The following MBNL1 variants were observed in gnomAD, a reference collection of about 807,000 sequenced individuals.
The protein encoded by MBNL1 is muscleblind-like protein 1.
MBNL1 carries 8 observed loss-of-function variants against 42.2 expected under a neutral mutation model. The observed-to-expected ratio is 0.19, with a 90% CI of 0.11 to 0.34. The LOEUF (loss-of-function observed/expected upper bound fraction) is 0.34. Among genes scored for constraint, MBNL1 ranks in the 10% least tolerant of loss-of-function variants. MBNL1 has a pLI of 1.00. For synonymous variants in MBNL1, 169 were observed against 173.9 expected, an observed-to-expected ratio of 0.97 and a Z score of 0.22; for missense variants, 309 against 495.3, an observed-to-expected ratio of 0.62 and a Z score of 3.57.
At chr3:152,361,001 A>G (rs1323770865) in intron 2 of MBNL1, among the ~76,000 whole-genome samples, 5 of 152,152 alleles carry the variant, frequency 3.3e-5, no homozygotes, top group African/African-American at 4.8e-5. Context: ...GAAGGTTTCA[A>G]TGGGTACATA....
At chr3:152,347,740 T>A (rs2094466985) in intron 2 of MBNL1, among the ~76,000 whole-genome samples, 1 of 152,188 alleles carries the variant, frequency 6.6e-6, no homozygotes, top group Admixed American at 6.6e-5. Context: ...CCTGCCGCCA[T>A]CTTGACTCCT....
At chr3:152,378,106 G>A (rs2096992799) in intron 2 of MBNL1, among the ~76,000 whole-genome samples, 1 of 152,146 alleles carries the variant, frequency 6.6e-6, no homozygotes, top group Non-Finnish European at 1.5e-5. Context: ...AGAAGCCAAG[G>A]CAGGAAGATT....
At chr3:152,315,418 ATGTGT>A (rs2070216249) in intron 2 of MBNL1, among the ~76,000 whole-genome samples, 1 of 152,188 alleles carries the variant, frequency 6.6e-6, no homozygotes, top group Non-Finnish European at 1.5e-5. Context: ...AACAAGCAAG[ATGTGT>A]TGTGTATGTT....
chr3:152,414,850 C>A, intron 2 of MBNL1, 91 bp from the exon 3 acceptor site: 1 of 1,251,462 alleles, frequency 8.0e-7, no homozygotes, highest in Non-Finnish European at 1.1e-6. Flanking sequence ...ACCAATGATA[C>A]ATTCAAGTGG....
chr3:152,306,561 A>G (rs2063254072), intron 2 of MBNL1, among the ~76,000 whole-genome samples: 1 of 151,948 alleles, frequency 6.6e-6, no homozygotes, highest in Non-Finnish European at 1.5e-5. Flanking sequence ...TCTCTTATTG[A>G]CTGATTTTGG....
At chr3:152,402,132 G>A (rs948290611) in intron 2 of MBNL1, among the ~76,000 whole-genome samples, 5 of 151,986 alleles carry the variant, frequency 3.3e-5, no homozygotes, top group African/African-American at 1.2e-4. Context: ...CAAAGGAAAT[G>A]TTGAAGGAAC....
chr3:152,344,288 A>G (rs2093856250), intron 2 of MBNL1, among the ~76,000 whole-genome samples: 1 of 152,162 alleles, frequency 6.6e-6, no homozygotes, highest in African/African-American at 2.4e-5. Context: ...TTTTCGGACT[A>G]TAACACTACC....
chr3:152,273,716 A>G (rs911390854), intron 1 of MBNL1, among the ~76,000 whole-genome samples: 1 of 152,200 alleles, frequency 6.6e-6, no homozygotes, highest in African/African-American at 2.4e-5. Flanking sequence ...TATTCCAAAA[A>G]GGTGAAGATG....
At chr3:152,320,597 C>G (rs2075842131) in intron 2 of MBNL1, among the ~76,000 whole-genome samples, 1 of 151,778 alleles carries the variant, frequency 6.6e-6, no homozygotes, top group East Asian at 1.9e-4. Flanking sequence ...GAAAACTATT[C>G]AGCTTAACAC....
chr3:152,459,781 C>T (rs1191982263), intron 9 of MBNL1, among the ~76,000 whole-genome samples: 1 of 151,852 alleles, frequency 6.6e-6, no homozygotes, highest in African/African-American at 2.4e-5. Context: ...AGCTGTGTTC[C>T]AGTAAAACTT....
rs530649537 is a variant in MBNL1, at chr3:152,444,441, C to CA, written c.550-834dup. Among the ~76,000 whole-genome samples the CA allele has an allele frequency of 1.4e-4, 21 of 151,902 alleles. No individual in the cohort carries two copies. In the East Asian group the frequency reaches 4.1e-3, roughly 29 times the overall value. ...AGCTACCAAGTGAATCTCTAAAGAT[C>CA]AAAAAAATAACTCCTGGAAACATTT... is the stretch of plus-strand genomic sequence containing the variant. On this transcript the variant is annotated intron_variant, in intron 4 of 9. Transcript: ENST00000324210.
Position 152,432,897 on chromosome 3 carries a change from T to G in MBNL1, c.526T>G (p.Leu176Val), listed in dbSNP as rs758956597. The G allele has an allele frequency of 6.2e-7, 1 of 1,613,508 alleles. No homozygotes were observed. Among genetic ancestry groups the G allele is most frequent in the Non-Finnish European group, 8.5e-7 (1 of 1,179,478 alleles). The change falls in exon 4 of 10, where the codon TTA becomes GTA. Residue 176 changes from leucine to valine, a missense_variant. Transcript: ENST00000324210. ...AGCTGCTGCAGCTGCTGCACAGAAA[T>G]TAATGCGAACAGACAGACTTGAGGT... The part of the protein sequence containing the change: ...PAAAAAAAQK[L>V]MRTDRLEVCR...
At chr3:152,410,899 T>G (rs1233540935) in intron 2 of MBNL1, among the ~76,000 whole-genome samples, 1 of 152,256 alleles carries the variant, frequency 6.6e-6, no homozygotes, top group Non-Finnish European at 1.5e-5. Flanking sequence ...TGTATTATTT[T>G]TAGAGCGTTT....
intron 2 of MBNL1, among the ~76,000 whole-genome samples, chr3:152,401,763 C>T (rs557589450): frequency 6.2e-4 from 95 of 152,204 alleles, no homozygotes; most frequent in Non-Finnish European, 1.2e-3. Context: ...TGGTGGCTCA[C>T]GCCTGTAATC....
intron 2 of MBNL1, among the ~76,000 whole-genome samples, chr3:152,252,324 C>G (rs565727809): frequency 6.6e-6 from 1 of 151,062 alleles, no homozygotes; most frequent in South Asian, 2.1e-4. Flanking sequence ...TCTGGCTTCC[C>G]ATTCAGGGTG....
At chr3:152,360,655 C>T (rs149209292) in intron 2 of MBNL1, among the ~76,000 whole-genome samples, 577 of 152,152 alleles carry the variant, frequency 3.8e-3, no homozygotes, top group African/African-American at 0.013. Context: ...AGTAGTTCTA[C>T]ATTTATTATA....
chr3:152,362,402 A>T (rs2096042088), intron 2 of MBNL1, among the ~76,000 whole-genome samples: 1 of 152,188 alleles, frequency 6.6e-6, no homozygotes, highest in Non-Finnish European at 1.5e-5. Context: ...ACCTAGTTGT[A>T]TTAGTTTAAC....
intron 4 of MBNL1, among the ~76,000 whole-genome samples, chr3:152,437,599 A>T (rs999867304): frequency 2.6e-5 from 4 of 152,146 alleles, no homozygotes; most frequent in South Asian, 2.1e-4. Context: ...AACACCAGCC[A>T]CAAGCTACTG....
intron 2 of MBNL1, among the ~76,000 whole-genome samples, chr3:152,315,511 T>A (rs1208513804): frequency 1.3e-5 from 2 of 152,206 alleles, no homozygotes; most frequent in South Asian, 2.1e-4. Flanking sequence ...TTCTTTTTGC[T>A]TACTACAGTT....
Sources: allele counts gnomAD v4.1 joint callset (sites outside exome capture counted in the v4.1 genomes callset), GRCh38; gene constraint gnomAD v4.1.1; transcripts MANE v1.5; gene names NCBI Gene and HGNC (gene_info 2026-07-23, HGNC 2026-07-21).